The following FANCD2 variants were observed in gnomAD, a reference collection of about 807,000 sequenced individuals.
FANCD2 encodes the protein FA complementation group D2.
Under a neutral mutation model 192.3 loss-of-function variants are expected in FANCD2, and 131 were observed. The ratio of observed to expected loss-of-function variants is 0.68; its 90% CI spans 0.59 to 0.79. The LOEUF (loss-of-function observed/expected upper bound fraction) is 0.79, where lower values mean the gene tolerates loss of function less well. Ranked by LOEUF, FANCD2 falls within the 30% of genes least tolerant of loss-of-function variation. The pLI is 0.00. For missense variants in FANCD2, 1,508 were observed against 1,701.6 expected (o/e 0.89, Z 2.00); for synonymous variants, 524 against 612.5 (o/e 0.86, Z 2.13).
At chr3:10,031,900 G>A (rs1249114087) in intron 2 of FANCD2, among the ~76,000 whole-genome samples, 1 of 152,152 alleles carries the variant, frequency 6.6e-6, no homozygotes, top group African/African-American at 2.4e-5. Flanking sequence ...AGGCAGGAGT[G>A]AAGTGGCGCG....
chr3:10,042,328 G>C (rs763897558), intron 10 of FANCD2, among the ~76,000 whole-genome samples: 3 of 152,178 alleles, frequency 2.0e-5, no homozygotes, highest in Non-Finnish European at 4.4e-5. Context: ...CTAAATGTAA[G>C]ATAATAGCTC....
intron 34 of FANCD2, among the ~76,000 whole-genome samples, chr3:10,087,866 C>T (rs1440272998): frequency 2.0e-5 from 3 of 152,060 alleles, no homozygotes; most frequent in African/African-American, 7.2e-5. Flanking sequence ...TCAGGCTGGT[C>T]TCGAACTCCT....
chr3:10,086,915 A>C (rs1458453667), intron 33 of FANCD2, among the ~76,000 whole-genome samples: 1 of 152,128 alleles, frequency 6.6e-6, no homozygotes, highest in Non-Finnish European at 1.5e-5. Flanking sequence ...CCAACATTCC[A>C]TCAGTGGGGC....
At position 10,046,661 on chromosome 3, in the gene FANCD2, A is replaced by C; in HGVS notation, c.1216A>C (p.Lys406Gln). 4 of 1,614,264 alleles carry C rather than the reference A, an allele frequency of 2.5e-6. No homozygotes were observed. Among genetic ancestry groups the C allele is most frequent in the Non-Finnish European group, 3.4e-6 (4 of 1,180,036 alleles). Residue 406 changes from lysine to glutamine, a missense_variant, in exon 15 of 44, where the codon AAG becomes CAG. Lys to Gln is a moderately conservative substitution (Grantham distance 53). Around this residue, in one of 5 missense-constraint regions of FANCD2, gnomAD observed 108 missense variants for 174.1 expected, o/e 0.62. Coordinates refer to ENST00000675286, the MANE Select transcript of FANCD2 (RefSeq NM_001018115.3). The stretch of plus-strand genomic sequence containing the variant: ...GTACATTGACAGGGTGCTAAGAAAT[A>C]AGATTCGATCAGGCTGCATTCAAGA... Reference protein sequence around the residue: ...KKYIDRVLRNKIRSGCIQEQL... With the variant: ...KKYIDRVLRNQIRSGCIQEQL...
intron 7 of FANCD2, among the ~76,000 whole-genome samples, chr3:10,038,234 T>A (rs2086779425): frequency 6.6e-6 from 1 of 152,174 alleles, no homozygotes; most frequent in Non-Finnish European, 1.5e-5. Context: ...TCAAGTGATC[T>A]GCTTGCCTCA....
At chr3:10,028,580 A>G in intron 1 of FANCD2, 45 bp from the exon 2 acceptor site, 2 of 1,300,204 alleles carry the variant, frequency 1.5e-6, no homozygotes, top group Non-Finnish European at 2.2e-6. Flanking sequence ...ACTTCTCAGA[A>G]TTTATCTTCT....
At chr3:10,068,669 G>A (rs761008297) in intron 26 of FANCD2, among the ~76,000 whole-genome samples, 30 of 149,684 alleles carry the variant, frequency 2.0e-4, no homozygotes, top group Admixed American at 3.3e-4. Context: ...TAGAACCACC[G>A]AAGACCCAGA....
intron 28 of FANCD2, 59 bp downstream of exon 28, chr3:10,073,421 C>T: frequency 2.4e-6 from 3 of 1,268,214 alleles, no homozygotes; most frequent in Non-Finnish European, 3.5e-6. Context: ...TTAACAGAAA[C>T]CCAGCTTTAT....
chr3:10,032,204 G>A, intron 2 of FANCD2: 1 of 312,840 alleles, frequency 3.2e-6, no homozygotes, highest in East Asian at 1.1e-4. Flanking sequence ...GCAGGCAACA[G>A]CTTGAGAGAC....
chr3:10,092,821 A>G (rs1694731760), intron 38 of FANCD2, among the ~76,000 whole-genome samples: 1 of 150,646 alleles, frequency 6.6e-6, no homozygotes, highest in African/African-American at 2.4e-5. Context: ...CCTCTGGAGT[A>G]GCTGGGACTA....
At chr3:10,039,014 G>A (rs1032842980) in intron 7 of FANCD2, among the ~76,000 whole-genome samples, 1 of 152,132 alleles carries the variant, frequency 6.6e-6, no homozygotes, top group African/African-American at 2.4e-5. Flanking sequence ...ATGCTGTCTA[G>A]CCCTGTCATC....
At chr3:10,071,711 G>A (rs773984853) in intron 26 of FANCD2, among the ~76,000 whole-genome samples, 1 of 152,148 alleles carries the variant, frequency 6.6e-6, no homozygotes, top group Non-Finnish European at 1.5e-5. Context: ...GGAAAAATGA[G>A]GGTGGTTAAT....
chr3:10,075,728 C>CTT (rs71052292), intron 29 of FANCD2, among the ~76,000 whole-genome samples: 15,924 of 106,486 alleles, frequency 0.15, 2,458 homozygotes, highest in African/African-American at 0.3. Flanking sequence ...AAATAGTATC[C>CTT]TTTTTTTTTT....
Position 10,101,370 on chromosome 3 carries a change from T to C in FANCD2, c.*108T>C, listed in dbSNP as rs561719635. Reference sequence around the variant, plus strand: ...CTTTCTTACTGGTAGGATCCTTTTTTGTTCCTCTTTTTTTTTTTTTTTTTT... The same window carrying C: ...CTTTCTTACTGGTAGGATCCTTTTTCGTTCCTCTTTTTTTTTTTTTTTTTT... On this transcript the variant is annotated 3_prime_UTR_variant, in exon 44 of 44. Coordinates refer to ENST00000675286, the MANE Select transcript of FANCD2 (RefSeq NM_001018115.3). The C allele has an allele frequency of 1.2e-4, 88 of 751,924 alleles. No individual in the cohort carries two copies. The East Asian group carries it at 2.2e-3, about 19-fold the overall frequency. 46.6% of individuals were successfully genotyped at this position (751,924 alleles called of 1,614,324 possible). A position where few individuals can be genotyped will look rare whatever the true frequency, so the allele number is the denominator to read the frequency against.
At chr3:10,036,410 G>A in intron 7 of FANCD2, 71 bp downstream of exon 7, 5 of 1,155,708 alleles carry the variant, frequency 4.3e-6, no homozygotes, top group Non-Finnish European at 5.2e-6. Flanking sequence ...AGGTTACTCT[G>A]AAAACTATTG....
intron 18 of FANCD2, among the ~76,000 whole-genome samples, chr3:10,054,037 C>G (rs1387790490): frequency 6.6e-6 from 1 of 151,762 alleles, no homozygotes; most frequent in East Asian, 1.9e-4. Flanking sequence ...ATGGTGAAAC[C>G]CCATCTCTAC....
chr3:10,094,245 T>G, intron 39 of FANCD2, 44 bp from the exon 40 acceptor site: 1,070 of 1,460,122 alleles, frequency 7.3e-4, no homozygotes, highest in Non-Finnish European at 9.5e-4. Flanking sequence ...GGCCTTTCAG[T>G]GAGATACCTC....
chr3:10,058,231 G>C (rs1443017237), intron 18 of FANCD2: 1 of 246,464 alleles, frequency 4.1e-6, no homozygotes, highest in African/African-American at 2.3e-5. Flanking sequence ...TTTCCACCGT[G>C]TGGCACTGGG....
rs532765216 is a variant in FANCD2, at chr3:10,036,086, C to CTTTTTTTTTTTTTTTTTTTTTTTTT, written c.439-182_439-181insTTTTTTTTTTTTTTTTTTTTTTTTT. 3.2e-3 allele frequency among the ~76,000 whole-genome samples: 332 copies of CTTTTTTTTTTTTTTTTTTTTTTTTT among 102,536 alleles called. 24 individuals are homozygous for CTTTTTTTTTTTTTTTTTTTTTTTTT. Among genetic ancestry groups the CTTTTTTTTTTTTTTTTTTTTTTTTT allele is most frequent in the African/African-American group, 4.7e-3 (112 of 23,980 alleles). The allele number at this position is 102,536 out of a possible 152,430, so 67.3% of individuals were successfully genotyped here. ...TAGTTGGAAAGAGAATTATACATTT[C>CTTTTTTTTTTTTTTTTTTTTTTTTT]TTTTTTTTTTTTTTTTTTTGAGTCA... On this transcript the variant is annotated intron_variant, in intron 6 of 43. Transcript: ENST00000675286.
Sources: allele counts gnomAD v4.1 joint callset (sites outside exome capture counted in the v4.1 genomes callset), GRCh38; gene constraint gnomAD v4.1.1; regional missense constraint gnomAD v4.1.1; transcripts MANE v1.5; gene names NCBI Gene and HGNC (gene_info 2026-07-23, HGNC 2026-07-21).